KRT76: variants seen among roughly 807,000 people sequenced by gnomAD.
KRT76 encodes the protein keratin 76, also known as keratin, type II cytoskeletal 2 oral.
In KRT76, 47 loss-of-function variants were observed where a neutral mutation model predicts 44.9. The observed-to-expected ratio is 1.05, with a 90% CI of 0.83 to 1.33. The LOEUF (loss-of-function observed/expected upper bound fraction) is 1.33, where lower values mean the gene tolerates loss of function less well. KRT76 is among the 40% of genes most tolerant of loss of function. The pLI is 0.00. For missense variants in KRT76, 860 were observed against 775.8 expected, an observed-to-expected ratio of 1.11 and a Z score of -1.29; for synonymous variants, 331 against 294.1, an observed-to-expected ratio of 1.13 and a Z score of -1.28.
rs538947962 is a variant in KRT76 at position 52,768,485 on chromosome 12, A to T, written c.*228T>A. ...GGGTTGCTGTCCAAAGTAAGGGGCC[A>T]TTGCAGGAAGGTTTCCAGGGGCATC... On this transcript the variant is annotated 3_prime_UTR_variant, in exon 9 of 9. Transcript: ENST00000332411. The T allele has an allele frequency of 4.0e-5, 20 of 506,034 alleles. No homozygotes were observed. In the East Asian group the frequency reaches 5.6e-4, roughly 14 times the overall value. 31.3% of individuals were successfully genotyped at this position (506,034 alleles called of 1,614,324 possible).
At chr12:52,769,737 C>T (rs1939150633) in intron 7 of KRT76, among the ~76,000 whole-genome samples, 154 bp from the exon 8 acceptor site, 1 of 152,172 alleles carries the variant, frequency 6.6e-6, no homozygotes, top group Non-Finnish European at 1.5e-5. Flanking sequence ...GTTTCCATGA[C>T]CATATCTCCC....
intron 2 of KRT76, among the ~76,000 whole-genome samples, chr12:52,774,399 A>G (rs532608043): frequency 1.3e-5 from 2 of 152,314 alleles, no homozygotes; most frequent in Admixed American, 6.5e-5. Flanking sequence ...ATTTCTGCCT[A>G]TTTCCTCAGT....
Position 52,771,901 on chromosome 12 carries a change from T to G in KRT76, c.1233A>C (p.Leu411=). 1.2e-6 allele frequency: 2 copies of G among 1,614,088 alleles called. No homozygotes were observed. The highest frequency in any genetic ancestry group is 1.6e-4 in the Middle Eastern group (1 of 6,062). ...IMELNRMIQR[L]RAEIENVKKQ... ...TCTTGACATTTTCAATCTCAGCCCG[T>G]AGCCTCTGGATCATCCTGTTGAGCT... is the stretch of plus-strand genomic sequence containing the variant. The change falls in exon 6 of 9, where the codon CTA becomes CTC. Residue 411 remains leucine, a synonymous_variant. Transcript: ENST00000332411.
At chr12:52,770,010 T>A (rs1939155517) in intron 7 of KRT76, among the ~76,000 whole-genome samples, 1 of 152,134 alleles carries the variant, frequency 6.6e-6, no homozygotes, top group Non-Finnish European at 1.5e-5. Flanking sequence ...GGTGACATGA[T>A]TGGGGTTGTT....
At chr12:52,775,662 A>C in intron 1 of KRT76, 60 bp from the exon 2 acceptor site, 3 of 1,364,734 alleles carry the variant, frequency 2.2e-6, no homozygotes, top group Non-Finnish European at 3.1e-6. Flanking sequence ...GGGGCTGCCC[A>C]TCCCAAATGT....
intron 6 of KRT76, 29 bp downstream of exon 6, chr12:52,771,842 T>C: frequency 1.2e-6 from 2 of 1,607,108 alleles, no homozygotes; most frequent in South Asian, 2.2e-5. Flanking sequence ...AGAAGACCTC[T>C]GGGATCTCTC....
intron 8 of KRT76, 38 bp from the exon 9 acceptor site, chr12:52,769,148 T>C: frequency 4.5e-6 from 3 of 664,840 alleles, no homozygotes; most frequent in Non-Finnish European, 8.5e-6. Context: ...GCAAAGGGCC[T>C]GGGAAACTGG....
chr12:52,770,863 C>T lies in KRT76; in HGVS notation c.1484+136G>A, dbSNP rs1939168238. ...TGGACATAAAATAGTGGGGCTTGAA[C>T]CCTTGACTCTGTCATTCAAGACACT... On this transcript the variant is annotated intron_variant, in intron 7 of 8. Coordinates refer to ENST00000332411, the MANE Select transcript of KRT76 (RefSeq NM_015848.4). 2.7e-6 allele frequency: 3 copies of T among 1,128,736 alleles called. No individual in the cohort carries two copies. The South Asian group carries it at 4.4e-5, about 16-fold the overall frequency. 69.9% of individuals were successfully genotyped at this position (1,128,736 alleles called of 1,614,324 possible). A position where few individuals can be genotyped will look rare whatever the true frequency, so the allele number is the denominator to read the frequency against.
chr12:52,769,380 C>T (rs1401215125), intron 8 of KRT76, among the ~76,000 whole-genome samples, 169 bp downstream of exon 8: 4 of 152,188 alleles, frequency 2.6e-5, no homozygotes, highest in East Asian at 3.9e-4. Flanking sequence ...AGGTTGTCAG[C>T]TTACACTAGG....
At position 52,768,989 on chromosome 12, in the gene KRT76, ACT is replaced by A; in HGVS notation, c.1639_1640del (p.Ser547TrpfsTer25). 7 of 988,790 alleles carry A rather than the reference ACT, an allele frequency of 7.1e-6. No homozygotes were observed. Among genetic ancestry groups the A allele is most frequent in the Middle Eastern group, 2.1e-4 (1 of 4,806 alleles). 61.3% of individuals were successfully genotyped at this position (988,790 alleles called of 1,614,324 possible). On this transcript the variant is annotated frameshift_variant, in exon 9 of 9. Transcript: ENST00000332411. LOFTEE classifies it low-confidence loss of function (END_TRUNC). ...YKGGSSSSSS[S>X]GYGVSGGSGS... ...CGCTGCCGCCACTGACTCCATAGCC[ACT>A]GCTGCTGCTGCTGCTGCTGCCGCCT... is the stretch of plus-strand genomic sequence containing the variant.
Position 52,776,897 on chromosome 12 carries a change from C to A in KRT76, c.395G>T (p.Gly132Val). ...AAAGCTGCCAGGCCCACCAAATACA[C>A]CAGGACCACCAAAGCCACCAGCTCC... is the stretch of plus-strand genomic sequence containing the variant. ...FGGAGGFGGP[G>V]VFGGPGSFGG... is the part of the protein sequence containing the mutation. The change falls in exon 1 of 9, where the codon GGT (glycine) becomes GTT (valine). Residue 132 changes from glycine to valine, a missense_variant. Transcript: ENST00000332411. 2 of 1,612,368 alleles carry A rather than the reference C, an allele frequency of 1.2e-6. No homozygotes were observed. The highest frequency in any genetic ancestry group is 1.7e-6 in the Non-Finnish European group (2 of 1,179,034).
Position 52,771,057 on chromosome 12 carries a change from G to T in KRT76, c.1426C>A (p.Leu476Met). ...RDYQELMNVKLALDVEIATYR... is the reference protein window; with the variant it reads ...RDYQELMNVKMALDVEIATYR... ...GTGGCAATCTCCACATCCAGGGCCA[G>T]CTTGACGTTCATCAGCTCCTGGTAG... Residue 476 changes from leucine (L) to methionine (M), a missense_variant, in exon 7 of 9, where the codon CTG becomes ATG. Physicochemically the swap from Leu to Met is conservative, Grantham distance 15 (BLOSUM62 2). Transcript: ENST00000332411. The T allele has an allele frequency of 6.2e-7, 1 of 1,614,082 alleles. No homozygotes were observed. Among genetic ancestry groups the T allele is most frequent in the Non-Finnish European group, 8.5e-7 (1 of 1,180,008 alleles).
At chr12:52,769,617 TTA>T in intron 7 of KRT76, 34 bp from the exon 8 acceptor site, 1 of 1,600,076 alleles carries the variant, frequency 6.2e-7, no homozygotes, top group Non-Finnish European at 8.6e-7. Context: ...ATTCTTTCTG[TTA>T]TGAGTCAATA....
chr12:52,772,327 C>G, intron 4 of KRT76, 69 bp from the exon 5 acceptor site: 1 of 1,446,880 alleles, frequency 6.9e-7, no homozygotes, highest in Non-Finnish European at 9.4e-7. Context: ...CCTCTACTAG[C>G]GGAGATATCC....
intron 6 of KRT76, 78 bp downstream of exon 6, chr12:52,771,793 G>A: frequency 6.6e-7 from 1 of 1,505,920 alleles, no homozygotes; most frequent in Non-Finnish European, 9.0e-7. Context: ...AGAGCATGTA[G>A]CAGAGGAGCA....
Position 52,769,542 on chromosome 12 carries a change from T to C in KRT76, c.1519+7A>G. 9 of 1,613,250 alleles carry C rather than the reference T, an allele frequency of 5.6e-6. No individual in the cohort carries two copies. Among genetic ancestry groups the C allele is most frequent in the Non-Finnish European group, 7.6e-6 (9 of 1,179,192 alleles). On this transcript the variant is annotated splice_region_variant and intron_variant, in intron 8 of 8. Coordinates refer to ENST00000332411, the MANE Select transcript of KRT76 (RefSeq NM_015848.4). ...CAGGGAGAGGGTTTTTTGAATGGGC[T>C]ACTTACAAATGCACACGGCACTCTG...
At chr12:52,775,355 C>T (rs1297273975) in intron 2 of KRT76, 33 bp downstream of exon 2, 45 of 1,602,766 alleles carry the variant, frequency 2.8e-5, no homozygotes, top group Non-Finnish European at 3.8e-5. Flanking sequence ...GCTAATTCCC[C>T]AGAAGGGGAA....
chr12:52,776,653 C>T (rs764964646), intron 1 of KRT76, 39 bp downstream of exon 1: 105 of 1,613,068 alleles, frequency 6.5e-5, no homozygotes, highest in Non-Finnish European at 8.4e-5. Context: ...CCCCTGGGCA[C>T]CCCAAACCCT....
Position 52,775,563 on chromosome 12 carries a change from T to C in KRT76, c.640A>G (p.Lys214Glu). 2 of 1,613,950 alleles carry C rather than the reference T, an allele frequency of 1.2e-6. No individual in the cohort carries two copies. The highest frequency in any genetic ancestry group is 1.7e-6 in the Non-Finnish European group (2 of 1,180,034). Residue 214 changes from lysine to glutamate, a missense_variant, in exon 2 of 9, where the codon AAG (lysine) becomes GAG (glutamate). Physicochemically the swap from Lys to Glu is moderately conservative, Grantham distance 56. Coordinates refer to ENST00000332411, the MANE Select transcript of KRT76 (RefSeq NM_015848.4). ...LEQQNKVLET[K>E]WELLQQQTTG... ...GTCTGCTGCTGGAGCAGTTCCCACTTGGTCTCCAGGACCTTGTTCTGCTGT... is the reference window on the plus strand; with the variant it reads ...GTCTGCTGCTGGAGCAGTTCCCACTCGGTCTCCAGGACCTTGTTCTGCTGT...
Sources: allele counts gnomAD v4.1 joint callset (sites outside exome capture counted in the v4.1 genomes callset), GRCh38; gene constraint gnomAD v4.1.1; transcripts MANE v1.5; gene names NCBI Gene and HGNC (gene_info 2026-07-23, HGNC 2026-07-21).